The following ZNF521 variants were observed in gnomAD, a reference collection of about 807,000 sequenced individuals.
ZNF521 encodes the protein zinc finger protein 521.
A neutral mutation model predicts 105.5 loss-of-function variants in ZNF521; 14 were observed. That is an observed-to-expected ratio of 0.13 (90% CI 0.09 to 0.21). The LOEUF (loss-of-function observed/expected upper bound fraction) is 0.21. Among genes scored for constraint, ZNF521 ranks in the 10% least tolerant of loss-of-function variants. The pLI is 1.00. For synonymous variants in ZNF521, 635 were observed against 606.0 expected (o/e 1.05, Z -0.70); for missense variants, 1,233 against 1,629.7 (o/e 0.76, Z 4.19).
At chr18:25,344,890 T>C (rs866261143) in intron 2 of ZNF521, among the ~76,000 whole-genome samples, 1 of 152,266 alleles carries the variant, frequency 6.6e-6, no homozygotes, top group Non-Finnish European at 1.5e-5. Flanking sequence ...AAACCAGCAA[T>C]GTGAATCCTG....
intron 5 of ZNF521, among the ~76,000 whole-genome samples, chr18:25,186,286 G>A (rs1284316498): frequency 6.6e-6 from 1 of 152,180 alleles, no homozygotes; most frequent in African/African-American, 2.4e-5. Flanking sequence ...TAACTACGAA[G>A]GTGCAGATAA....
At chr18:25,160,178 C>T (rs984940616) in intron 5 of ZNF521, among the ~76,000 whole-genome samples, 9 of 152,210 alleles carry the variant, frequency 5.9e-5, no homozygotes, top group East Asian at 3.9e-4. Context: ...CTACTCTATT[C>T]GTCTTTACTG....
intron 5 of ZNF521, among the ~76,000 whole-genome samples, chr18:25,168,605 T>C (rs886241698): frequency 1.3e-5 from 2 of 152,162 alleles, no homozygotes; most frequent in Non-Finnish European, 2.9e-5. Flanking sequence ...GACAGTTAAA[T>C]ATCTATACAA....
intron 3 of ZNF521, among the ~76,000 whole-genome samples, chr18:25,230,969 C>A (rs145456787): frequency 1.3e-5 from 2 of 152,122 alleles, no homozygotes; most frequent in Admixed American, 6.5e-5. Context: ...GTGAACACTC[C>A]GAGATGAAAG....
chr18:25,246,875 C>T (rs1600209189), intron 3 of ZNF521, among the ~76,000 whole-genome samples: 1 of 152,194 alleles, frequency 6.6e-6, no homozygotes, highest in Non-Finnish European at 1.5e-5. Flanking sequence ...TGCCAACCCA[C>T]AGAAGGGGTT....
chr18:25,153,192 T>C (rs2144494915), intron 5 of ZNF521, among the ~76,000 whole-genome samples: 1 of 152,322 alleles, frequency 6.6e-6, no homozygotes, highest in African/African-American at 2.4e-5. Context: ...TCAGCTAAAC[T>C]TTCAAGTTGC....
chr18:25,305,985 T>C (rs1334529535), intron 3 of ZNF521, among the ~76,000 whole-genome samples: 5 of 152,234 alleles, frequency 3.3e-5, no homozygotes, highest in Non-Finnish European at 7.3e-5. Context: ...TACAGGTAAA[T>C]GTTCAATTAA....
chr18:25,164,308 A>C (rs753603026), intron 5 of ZNF521, among the ~76,000 whole-genome samples: 11 of 152,190 alleles, frequency 7.2e-5, no homozygotes, highest in Non-Finnish European at 1.2e-4. Context: ...AGTAGTCGTG[A>C]CAGGGCAGGA....
chr18:25,098,179 A>G (rs1396261263), intron 5 of ZNF521, among the ~76,000 whole-genome samples: 1 of 152,194 alleles, frequency 6.6e-6, no homozygotes, highest in African/African-American at 2.4e-5. Flanking sequence ...ATGTTGTTCA[A>G]ACAATAAACA....
intron 4 of ZNF521, among the ~76,000 whole-genome samples, chr18:25,215,528 C>T (rs1403501620): frequency 6.6e-6 from 1 of 152,178 alleles, no homozygotes; most frequent in Non-Finnish European, 1.5e-5. Flanking sequence ...TTCTCCTAGA[C>T]AGAGTTCTAT....
At chr18:25,175,073 A>C (rs1258675218) in intron 5 of ZNF521, among the ~76,000 whole-genome samples, 1 of 152,220 alleles carries the variant, frequency 6.6e-6, no homozygotes, top group African/African-American at 2.4e-5. Context: ...ATGTTAATGG[A>C]AATTCTACAC....
intron 3 of ZNF521, among the ~76,000 whole-genome samples, chr18:25,308,662 ACCCG>A (rs1912127622): frequency 1.4e-5 from 1 of 72,864 alleles, no homozygotes; most frequent in African/African-American, 5.0e-5. Flanking sequence ...CCCCCCCCCC[ACCCG>A]CCACAGCCCC....
chr18:25,237,459 A>G (rs1371166736), intron 3 of ZNF521, among the ~76,000 whole-genome samples: 1 of 152,118 alleles, frequency 6.6e-6, no homozygotes, highest in Non-Finnish European at 1.5e-5. Context: ...AATAACACAT[A>G]TTATCTGAGA....
intron 4 of ZNF521, among the ~76,000 whole-genome samples, chr18:25,198,071 C>T (rs371805752): frequency 1.5e-4 from 23 of 151,910 alleles, no homozygotes; most frequent in African/African-American, 3.4e-4. Flanking sequence ...CCTTTATCAA[C>T]GCTTAAGTTG....
chr18:25,337,405 G>C (rs2145195501), intron 2 of ZNF521, among the ~76,000 whole-genome samples: 1 of 152,206 alleles, frequency 6.6e-6, no homozygotes, highest in South Asian at 2.1e-4. Flanking sequence ...ACATAAGTCA[G>C]GCAAAGAGCT....
intron 7 of ZNF521, chr18:25,082,522 A>G (rs1334123516): frequency 2.2e-6 from 1 of 447,672 alleles, no homozygotes; most frequent in Admixed American, 2.4e-5. Context: ...TTTGAGTTTT[A>G]TATTTTGTGT....
At chr18:25,161,479 G>T (rs969343485) in intron 5 of ZNF521, among the ~76,000 whole-genome samples, 4 of 152,170 alleles carry the variant, frequency 2.6e-5, no homozygotes, top group African/African-American at 9.7e-5. Context: ...TGGTGAAATG[G>T]CCAGCATTGT....
At chr18:25,250,168 T>C (rs1908015770) in intron 3 of ZNF521, among the ~76,000 whole-genome samples, 1 of 152,322 alleles carries the variant, frequency 6.6e-6, no homozygotes, top group Admixed American at 6.5e-5. Flanking sequence ...CTCGATCTCC[T>C]GACATTGTGA....
intron 3 of ZNF521, among the ~76,000 whole-genome samples, chr18:25,265,764 G>A (rs1267511352): frequency 6.6e-6 from 1 of 152,268 alleles, no homozygotes; most frequent in East Asian, 1.9e-4. Flanking sequence ...GTTGACAATA[G>A]CTAAGACTTG....
Sources: gnomAD v4.1 joint callset for allele counts (sites outside exome capture counted in the v4.1 genomes callset) on GRCh38, gnomAD v4.1.1 for gene constraint, MANE v1.5 for transcripts, NCBI Gene and HGNC (gene_info 2026-07-23, HGNC 2026-07-21) for gene names.